Variants in BLM observed in about 807,000 individuals in gnomAD.
BLM encodes recQ-like DNA helicase BLM.
BLM carries 95 observed loss-of-function variants against 135.3 expected under a neutral mutation model. The observed-to-expected ratio is 0.70, with a 90% CI of 0.59 to 0.83. The LOEUF is 0.83. Ranked by LOEUF, BLM falls within the 40% of genes least tolerant of loss-of-function variation. The probability of loss-of-function intolerance (pLI) is 0.00; values close to 1 mark genes in which losing one functional copy is unlikely to be tolerated. For missense variants in BLM, 1,518 were observed against 1,663.9 expected, an observed-to-expected ratio of 0.91 and a Z score of 1.53; for synonymous variants, 520 against 589.2, an observed-to-expected ratio of 0.88 and a Z score of 1.70.
At chr15:90,724,314 A>AT (rs1313222503) in intron 1 of BLM, among the ~76,000 whole-genome samples, 3 of 152,044 alleles carry the variant, frequency 2.0e-5, no homozygotes, top group South Asian at 2.1e-4. Context: ...CATCTAGTCA[A>AT]TTTTTTTCTT....
Position 90,761,236 on chromosome 15 carries a change from G to C in BLM, c.1863G>C (p.Glu621Asp), listed in dbSNP as rs374965438. Residue 621 changes from glutamate (E) to aspartate (D), a missense_variant, in exon 7 of 22, where the codon GAG becomes GAC. By Grantham distance (45) the Glu-to-Asp change is conservative. Around this residue, in one of 5 missense-constraint regions of BLM, gnomAD observed 724 missense variants for 756.9 expected, o/e 0.96. Coordinates refer to ENST00000355112, the MANE Select transcript of BLM (RefSeq NM_000057.4). Reference protein sequence around the residue: ...SSTAQNINFSESIQNYTDKSA... With the variant: ...SSTAQNINFSDSIQNYTDKSA... ...CTGCTCAAAATATAAACTTCTCAGAGTCAATTCAGAATTATACTGGTAAGT... is the reference window on the plus strand; with the variant it reads ...CTGCTCAAAATATAAACTTCTCAGACTCAATTCAGAATTATACTGGTAAGT... 7.2e-6 allele frequency: 11 copies of C among 1,535,296 alleles called. No homozygotes were observed. The highest frequency in any genetic ancestry group is 8.7e-6 in the Non-Finnish European group (10 of 1,144,956).
At chr15:90,794,492 A>G in intron 16 of BLM, 135 bp downstream of exon 16, 1 of 647,250 alleles carries the variant, frequency 1.5e-6, no homozygotes, top group East Asian at 2.9e-5. Flanking sequence ...TCCAGTAGTA[A>G]TTTGGAATGG....
At chr15:90,721,177 T>C (rs1421325861) in intron 1 of BLM, among the ~76,000 whole-genome samples, 1 of 152,220 alleles carries the variant, frequency 6.6e-6, no homozygotes, top group East Asian at 1.9e-4. Context: ...TTAGAAAAAT[T>C]TCACAATTTT....
At chr15:90,777,885 C>T (rs183485059) in intron 12 of BLM, among the ~76,000 whole-genome samples, 5 of 152,248 alleles carry the variant, frequency 3.3e-5, no homozygotes, top group African/African-American at 7.2e-5. Flanking sequence ...TTTCACTGAG[C>T]GTAGTTTTCA....
At chr15:90,741,975 C>T (rs1895374707) in intron 1 of BLM, among the ~76,000 whole-genome samples, 1 of 151,996 alleles carries the variant, frequency 6.6e-6, no homozygotes, top group African/African-American at 2.4e-5. Flanking sequence ...TTATTAGGTG[C>T]CTTTTCAAAA....
Position 90,761,245 on chromosome 15 carries a change from G to T in BLM, c.1872G>T (p.Gln624His). 1 of 1,526,910 alleles carries T rather than the reference G, an allele frequency of 6.5e-7. No homozygotes were observed. The highest frequency in any genetic ancestry group is 8.8e-7 in the Non-Finnish European group (1 of 1,139,060). 94.6% of individuals were successfully genotyped at this position (1,526,910 alleles called of 1,614,324 possible). A position where few individuals can be genotyped will look rare whatever the true frequency, so the allele number is the denominator to read the frequency against. ...ATATAAACTTCTCAGAGTCAATTCAGAATTATACTGGTAAGTTTAAAATAA... is the reference window on the plus strand; with the variant it reads ...ATATAAACTTCTCAGAGTCAATTCATAATTATACTGGTAAGTTTAAAATAA... ...AQNINFSESI[Q>H]NYTDKSAQNL... is the part of the protein sequence containing the mutation. Residue 624 changes from glutamine to histidine, a missense_variant, in exon 7 of 22, where the codon CAG becomes CAT. Around this residue, in one of 5 missense-constraint regions of BLM, gnomAD observed 724 missense variants for 756.9 expected, o/e 0.96. Coordinates refer to ENST00000355112, the MANE Select transcript of BLM (RefSeq NM_000057.4).
intron 21 of BLM, among the ~76,000 whole-genome samples, chr15:90,812,640 C>CA (rs1181175100): frequency 1.4e-5 from 2 of 145,110 alleles, no homozygotes; most frequent in South Asian, 2.1e-4. Context: ...AAAAAGAAAC[C>CA]AAAAAAAAGT....
chr15:90,758,269 T>C (rs577390518), intron 5 of BLM, among the ~76,000 whole-genome samples: 1 of 152,098 alleles, frequency 6.6e-6, no homozygotes, highest in East Asian at 1.9e-4. Context: ...GAGTGGATCA[T>C]TTGAGGTTTA....
chr15:90,767,535 C>T lies in BLM; in HGVS notation c.2307+512C>T, dbSNP rs116444316. ...AAGGCCAGTCGTTTTCGGAATTGTC[C>T]CTCAATTTGAGTTTATCTTGCTTCC... On this transcript the variant is annotated intron_variant, in intron 10 of 21. Coordinates refer to ENST00000355112, the MANE Select transcript of BLM (RefSeq NM_000057.4). Among the ~76,000 whole-genome samples the T allele has an allele frequency of 7.5e-3, 1,144 of 152,144 alleles. 22 individuals are homozygous for T. Among genetic ancestry groups the T allele is most frequent in the African/African-American group, 0.025 (1,056 of 41,482 alleles).
intron 15 of BLM, among the ~76,000 whole-genome samples, chr15:90,791,567 T>C (rs1896906028): frequency 6.6e-6 from 1 of 152,180 alleles, no homozygotes; most frequent in African/African-American, 2.4e-5. Flanking sequence ...TGTTTTTCAC[T>C]GTTATCAACA....
At chr15:90,801,474 C>A (rs1488247095) in intron 17 of BLM, among the ~76,000 whole-genome samples, 1 of 152,104 alleles carries the variant, frequency 6.6e-6, no homozygotes, top group African/African-American at 2.4e-5. Context: ...GTCAGAAGTT[C>A]TATTGAAAGT....
Position 90,763,176 on chromosome 15 carries a change from G to T in BLM, c.2074+19G>T. ...CCGACTGGTATGTATTTTTAGAAGT[G>T]AATTGGCAGGAATCCATTGGCAGAT... On this transcript the variant is annotated intron_variant, in intron 8 of 21. Coordinates refer to ENST00000355112, the MANE Select transcript of BLM (RefSeq NM_000057.4). 3 of 1,610,182 alleles carry T rather than the reference G, an allele frequency of 1.9e-6. No homozygotes were observed. The South Asian group carries it at 3.3e-5, about 18-fold the overall frequency.
At chr15:90,738,043 A>G (rs557453645) in intron 1 of BLM, among the ~76,000 whole-genome samples, 1 of 152,318 alleles carries the variant, frequency 6.6e-6, no homozygotes, top group African/African-American at 2.4e-5. Flanking sequence ...ATGCCAACAA[A>G]TTTGATAACA....
At chr15:90,725,667 ATT>A (rs71154128) in intron 1 of BLM, among the ~76,000 whole-genome samples, 5 of 141,482 alleles carry the variant, frequency 3.5e-5, no homozygotes, top group African/African-American at 5.2e-5. Context: ...TGCCCGGCTA[ATT>A]TTTTTTTTTT....
At chr15:90,727,657 C>T (rs1894953896) in intron 1 of BLM, among the ~76,000 whole-genome samples, 1 of 152,146 alleles carries the variant, frequency 6.6e-6, no homozygotes, top group African/African-American at 2.4e-5. Context: ...ATTGCACACA[C>T]ATAGCTGCAT....
chr15:90,722,323 A>C (rs1894791396), intron 1 of BLM, among the ~76,000 whole-genome samples: 4 of 151,820 alleles, frequency 2.6e-5, no homozygotes, highest in African/African-American at 9.7e-5. Flanking sequence ...GTTAGCCAGG[A>C]TGGTCTCGAT....
At chr15:90,779,539 C>CT (rs1472288064) in intron 12 of BLM, among the ~76,000 whole-genome samples, 9 of 152,084 alleles carry the variant, frequency 5.9e-5, no homozygotes, top group East Asian at 3.9e-4. Context: ...AATCTACTAC[C>CT]TTTTTTGCCA....
At chr15:90,750,995 A>G (rs544579127) in intron 3 of BLM, among the ~76,000 whole-genome samples, 1 of 152,348 alleles carries the variant, frequency 6.6e-6, no homozygotes, top group African/African-American at 2.4e-5. Flanking sequence ...AAGCCTTTCT[A>G]CTGTAATTCC....
At chr15:90,721,000 C>T (rs994068327) in intron 1 of BLM, among the ~76,000 whole-genome samples, 14 of 151,998 alleles carry the variant, frequency 9.2e-5, no homozygotes, top group African/African-American at 3.4e-4. Flanking sequence ...CAAGACCAGC[C>T]TGGGCAACAT....
Sources: gnomAD v4.1 joint callset for allele counts (sites outside exome capture counted in the v4.1 genomes callset) on GRCh38, gnomAD v4.1.1 for gene constraint, gnomAD v4.1.1 regional missense constraint, MANE v1.5 for transcripts, NCBI Gene and HGNC (gene_info 2026-07-23, HGNC 2026-07-21) for gene names.